Variants in CELF3 observed in about 807,000 individuals in gnomAD.
CELF3 encodes CUGBP Elav-like family member 3, also known as CAG repeat domain.
Under a neutral mutation model 59.6 loss-of-function variants are expected in CELF3, and 26 were observed. That is an observed-to-expected ratio of 0.44 (90% CI 0.32 to 0.61). The LOEUF (loss-of-function observed/expected upper bound fraction) is 0.61. CELF3 is among the 20% of genes least tolerant of loss of function. The probability of loss-of-function intolerance (pLI) is 0.06; values close to 1 mark genes in which losing one functional copy is unlikely to be tolerated. For missense variants in CELF3, 387 were observed against 627.2 expected, an observed-to-expected ratio of 0.62 and a Z score of 4.09; for synonymous variants, 245 against 250.7, an observed-to-expected ratio of 0.98 and a Z score of 0.22.
At position 151,714,057 on chromosome 1, in the gene CELF3, C is replaced by CT. The variant is rs1421881076; in HGVS notation, c.228+536dup. Among the ~76,000 whole-genome samples the CT allele has an allele frequency of 3.2e-4, 48 of 152,198 alleles. 1 individual carries two copies. The highest frequency in any genetic ancestry group is 3.9e-4 in the Admixed American group (6 of 15,280). Reference sequence around the variant, plus strand: ...TGCCCAGGCCTGCCCAGGCCCTGCTCTACCCTGATGCTCTGTGGCTCTGTT... The same window carrying CT: ...TGCCCAGGCCTGCCCAGGCCCTGCTCTTACCCTGATGCTCTGTGGCTCTGTT... On this transcript the variant is annotated intron_variant, in intron 2 of 12. Coordinates refer to ENST00000290583, the MANE Select transcript of CELF3 (RefSeq NM_007185.7).
intron 10 of CELF3, 85 bp downstream of exon 10, chr1:151,706,139 C>CA (rs1360520168): frequency 6.2e-7 from 1 of 1,606,912 alleles, no homozygotes; most frequent in East Asian, 2.2e-5. Flanking sequence ...GACACGTGGG[C>CA]AAGAGCTGGG....
At chr1:151,710,816 T>G (rs1469436379) in intron 2 of CELF3, 1 of 456,452 alleles carries the variant, frequency 2.2e-6, no homozygotes, top group Non-Finnish European at 4.4e-6. Context: ...TCTTGTCTGG[T>G]GAGAGGACTT....
Position 151,709,821 on chromosome 1 carries a change from G to C in CELF3, c.229-30C>G. On this transcript the variant is annotated intron_variant, in intron 2 of 12. Transcript: ENST00000290583. This position sits in a 1 kb window ranked among gnomAD's most constrained non-coding sequence, Gnocchi z 4.9. Reference sequence around the variant, plus strand: ...AGGAGAGAAGAGAAGGCAGCTGCTGGGGACCTCCTCTGAACACCCAAGAGC... The same window carrying C: ...AGGAGAGAAGAGAAGGCAGCTGCTGCGGACCTCCTCTGAACACCCAAGAGC... 6.2e-7 allele frequency: 1 copy of C among 1,612,874 alleles called. No individual in the cohort carries two copies. The highest frequency in any genetic ancestry group is 8.5e-7 in the Non-Finnish European group (1 of 1,178,850).
chr1:151,716,787 T>C lies in CELF3; in HGVS notation c.-767A>G. ...CCGGAGCTCTGCTCTCCGGCCGCGC[T>C]CTCCTCAACAAAAACCTCCCCCCTC... On this transcript the variant is annotated 5_prime_UTR_variant, in exon 1 of 13. Coordinates refer to ENST00000290583, the MANE Select transcript of CELF3 (RefSeq NM_007185.7). 4.3e-6 allele frequency: 2 copies of C among 461,132 alleles called. No individual in the cohort carries two copies. Among genetic ancestry groups the C allele is most frequent in the Non-Finnish European group, 4.4e-6 (1 of 224,814 alleles). 28.6% of individuals were successfully genotyped at this position (461,132 alleles called of 1,614,324 possible).
In CELF3 at chr1:151,716,045, G is replaced by C. The variant is rs1250593895; in HGVS notation, c.-25C>G. ...TTGAGGCGGCCCAGGAGGAGGGGCC[G>C]AGGGGAGCAGGGAGAGGCCCAAAGG... On this transcript the variant is annotated 5_prime_UTR_variant, in exon 1 of 13. Coordinates refer to ENST00000290583, the MANE Select transcript of CELF3 (RefSeq NM_007185.7). 6.3e-7 allele frequency: 1 copy of C among 1,596,378 alleles called. No individual in the cohort carries two copies. Among genetic ancestry groups the C allele is most frequent in the Non-Finnish European group, 8.5e-7 (1 of 1,170,694 alleles).
chr1:151,709,565 A>G lies in CELF3; in HGVS notation c.277+178T>C. On this transcript the variant is annotated intron_variant, in intron 3 of 12. Coordinates refer to ENST00000290583, the MANE Select transcript of CELF3 (RefSeq NM_007185.7). This position sits in a 1 kb window ranked among gnomAD's most constrained non-coding sequence, Gnocchi z 4.9. ...CTCCACCCTGGGCCTCAGTTTTGCC[A>G]TCTGTACCCGCCCCAGATCTCACCC... The G allele has an allele frequency of 1.1e-6, 1 of 916,000 alleles. No individual in the cohort carries two copies. Among genetic ancestry groups the G allele is most frequent in the Non-Finnish European group, 1.7e-6 (1 of 588,880 alleles). The allele number at this position is 916,000 out of a possible 1,614,324, so 56.7% of individuals were successfully genotyped here.
rs757984151 is a variant in CELF3, at chr1:151,703,343, C to T, written c.*116G>A. The stretch of plus-strand genomic sequence containing the variant: ...TGTGCCCCCGGGGGCCACGAAGCAG[C>T]GTTTGCCCCAGAACCCAGTCAAGGC... On this transcript the variant is annotated 3_prime_UTR_variant, in exon 13 of 13. Coordinates refer to ENST00000290583, the MANE Select transcript of CELF3 (RefSeq NM_007185.7). 31 of 448,336 alleles carry T rather than the reference C, an allele frequency of 6.9e-5. No individual in the cohort carries two copies. Among genetic ancestry groups the T allele is most frequent in the East Asian group, 4.2e-4 (6 of 14,290 alleles). 27.8% of individuals were successfully genotyped at this position (448,336 alleles called of 1,614,324 possible). A position where few individuals can be genotyped will look rare whatever the true frequency, so the allele number is the denominator to read the frequency against.
intron 8 of CELF3, 92 bp downstream of exon 8, chr1:151,707,053 C>T: frequency 7.4e-7 from 1 of 1,351,878 alleles, no homozygotes; most frequent in Non-Finnish European, 9.8e-7. Flanking sequence ...CCTGTACCCC[C>T]AAAGCTGGGA....
At chr1:151,707,335 A>C (rs1257312984) in intron 7 of CELF3, 41 bp from the exon 8 acceptor site, 1 of 1,550,964 alleles carries the variant, frequency 6.4e-7, no homozygotes, top group Non-Finnish European at 8.7e-7. Flanking sequence ...AGAGGAGCAG[A>C]CACACACACA....
rs1467032650 is a variant in CELF3 at position 151,702,083 on chromosome 1, CTG to C, written c.*1374_*1375del. Among the ~76,000 whole-genome samples, 1 of 152,258 alleles carries C rather than the reference CTG, an allele frequency of 6.6e-6. No homozygotes were observed. The highest frequency in any genetic ancestry group is 2.4e-5 in the African/African-American group (1 of 41,462). On this transcript the variant is annotated 3_prime_UTR_variant, in exon 13 of 13. Transcript: ENST00000290583. ...TGGCTCCCAGTATCCACACTGGCCT[CTG>C]TGCAGAAATGGAGGTCCAGATGTGA...
chr1:151,706,631 C>T, intron 9 of CELF3, 38 bp downstream of exon 9: 2 of 1,546,392 alleles, frequency 1.3e-6, no homozygotes, highest in Non-Finnish European at 1.8e-6. Context: ...CCTGCCACCT[C>T]TCCCACCTGA....
In CELF3 at chr1:151,716,025, G is replaced by A. The variant is rs1302963159; in HGVS notation, c.-5C>T. ...GATGGCATCCGGCTCCTTCATTGAG[G>A]CGGCCCAGGAGGAGGGGCCGAGGGG... On this transcript the variant is annotated 5_prime_UTR_variant, in exon 1 of 13. Transcript: ENST00000290583. 1.9e-6 allele frequency: 3 copies of A among 1,609,540 alleles called. No individual in the cohort carries two copies. The highest frequency in any genetic ancestry group is 2.2e-5 in the East Asian group (1 of 44,848).
Position 151,709,046 on chromosome 1 carries a change from A to G in CELF3, c.438T>C (p.Ala146=). ...GCAFVKFQTH[A]EAQAAINTLH... ...GGGTGTTGATGGCCGCCTGGGCCTC[A>G]GCGTGGGTCTGGAACTTCACGAAGG... Residue 146 remains alanine (A), a synonymous_variant, in exon 5 of 13, where the codon GCT becomes GCC. Transcript: ENST00000290583. The surrounding 1 kb of genome is among the most constrained non-coding windows in gnomAD (Gnocchi z 4.9). The G allele has an allele frequency of 6.2e-7, 1 of 1,614,066 alleles. No individual in the cohort carries two copies. The highest frequency in any genetic ancestry group is 8.5e-7 in the Non-Finnish European group (1 of 1,179,978).
chr1:151,708,679 C>T (rs1672766032), intron 5 of CELF3, among the ~76,000 whole-genome samples: 1 of 151,620 alleles, frequency 6.6e-6, no homozygotes, highest in South Asian at 2.1e-4. Context: ...GTCCTGGCGC[C>T]CCAGCAAATG....
chr1:151,709,925 A>G lies in CELF3; in HGVS notation c.229-134T>C. Reference sequence around the variant, plus strand: ...AAGTTTCTGATGGGAAGGAAGGGACAGGGCCTAATACTGTTCAGGATGAAG... The same window carrying G: ...AAGTTTCTGATGGGAAGGAAGGGACGGGGCCTAATACTGTTCAGGATGAAG... On this transcript the variant is annotated intron_variant, in intron 2 of 12. Transcript: ENST00000290583. The surrounding 1 kb of genome is among the most constrained non-coding windows in gnomAD (Gnocchi z 4.9). 1.2e-6 allele frequency: 1 copy of G among 821,430 alleles called. No individual in the cohort carries two copies. Among genetic ancestry groups the G allele is most frequent in the Non-Finnish European group, 2.2e-6 (1 of 464,202 alleles). 50.9% of individuals were successfully genotyped at this position (821,430 alleles called of 1,614,324 possible).
chr1:151,711,603 G>C (rs1405828925), intron 2 of CELF3, among the ~76,000 whole-genome samples: 1 of 152,246 alleles, frequency 6.6e-6, no homozygotes, highest in African/African-American at 2.4e-5. Flanking sequence ...GTGCGGGTGC[G>C]CATGCGCAAG....
rs540143748 is a variant in CELF3, at chr1:151,707,260, A to G, written c.807T>C (p.Pro269=). The stretch of plus-strand genomic sequence containing the variant: ...CCAGGGCAGCCGGAATGGCAGAGAC[A>G]GGCGTGGCAGCGATGGCAGGAGGGG... ...TSTPPAIAAT[P]VSAIPAALGV... Residue 269 remains proline (P), a synonymous_variant, in exon 8 of 13, where the codon CCT becomes CCC. Coordinates refer to ENST00000290583, the MANE Select transcript of CELF3 (RefSeq NM_007185.7). 795 of 1,566,932 alleles carry G rather than the reference A, an allele frequency of 5.1e-4. 12 individuals carry two copies. In the South Asian group the frequency reaches 8.5e-3, roughly 17 times the overall value.
chr1:151,708,549 A>G (rs1672757439), intron 5 of CELF3, among the ~76,000 whole-genome samples: 2 of 152,200 alleles, frequency 1.3e-5, no homozygotes, highest in Admixed American at 1.3e-4. Flanking sequence ...AGTTATGGGA[A>G]GTGCACAGCC....
intron 2 of CELF3, among the ~76,000 whole-genome samples, chr1:151,712,506 A>G (rs1295257849): frequency 6.6e-6 from 1 of 152,158 alleles, no homozygotes; most frequent in African/African-American, 2.4e-5. Flanking sequence ...GGGAAGGCCC[A>G]TGTCCCCCAA....
Sources: allele counts gnomAD v4.1 joint callset (sites outside exome capture counted in the v4.1 genomes callset), GRCh38; gene constraint gnomAD v4.1.1; non-coding constraint Gnocchi (gnomAD v3.1); transcripts MANE v1.5; gene names NCBI Gene and HGNC (gene_info 2026-07-23, HGNC 2026-07-21).